The following DRICH1 variants were observed in gnomAD, a reference collection of about 807,000 sequenced individuals.
DRICH1 encodes the protein aspartate rich 1.
A neutral mutation model predicts 39.5 loss-of-function variants in DRICH1; 38 were observed. That is an observed-to-expected ratio of 0.96 (90% CI 0.74 to 1.26). The LOEUF (loss-of-function observed/expected upper bound fraction) is 1.26, where lower values mean the gene tolerates loss of function less well. Among genes scored for constraint, DRICH1 ranks in the 50% most tolerant of loss-of-function variants. The pLI, the probability that DRICH1 is intolerant of heterozygous loss-of-function variation, is 0.00. For missense variants in DRICH1, 279 were observed against 270.4 expected (o/e 1.03, Z -0.22); for synonymous variants, 84 against 99.5 (o/e 0.84, Z 0.93).
chr22:23,591,305 C>T, the DRICH1 span, among the ~76,000 whole-genome samples: 1 of 152,238 alleles, frequency 6.6e-6, no homozygotes, highest in Admixed American at 6.5e-5. Context: ...TGGTGGCCTC[C>T]CGCTGCAGGT....
At chr22:23,587,752 C>T in the DRICH1 span, among the ~76,000 whole-genome samples, 2 of 152,208 alleles carry the variant, frequency 1.3e-5, no homozygotes, top group Non-Finnish European at 2.9e-5. Flanking sequence ...GTCTCCCCAC[C>T]GTGCATGCAG....
chr22:23,631,359 T>C (rs1019011001), intron 1 of DRICH1, among the ~76,000 whole-genome samples: 12 of 151,746 alleles, frequency 7.9e-5, no homozygotes, highest in Non-Finnish European at 1.2e-4. Flanking sequence ...GAGGTTGCAG[T>C]GAGCTGAGAT....
chr22:23,609,983 C>T (rs896304967), intron 11 of DRICH1, among the ~76,000 whole-genome samples: 12 of 152,128 alleles, frequency 7.9e-5, no homozygotes, highest in East Asian at 7.7e-4. Flanking sequence ...GCCCCTCATG[C>T]CTTCACTGGA....
downstream of DRICH1, among the ~76,000 whole-genome samples, chr22:23,606,043 C>G (rs1454759522): frequency 1.3e-5 from 2 of 151,198 alleles, no homozygotes; most frequent in Non-Finnish European, 3.0e-5. Context: ...CACTGCACTC[C>G]CGCCTCAAAA....
downstream of DRICH1, among the ~76,000 whole-genome samples, chr22:23,604,059 C>G (rs1926606085): frequency 6.6e-6 from 1 of 152,180 alleles, no homozygotes; most frequent in South Asian, 2.1e-4. Flanking sequence ...ATCAGTCAAA[C>G]TGCCTGGGTC....
At chr22:23,587,754 T>C in the DRICH1 span, among the ~76,000 whole-genome samples, 1 of 152,184 alleles carries the variant, frequency 6.6e-6, no homozygotes, top group Admixed American at 6.5e-5. Flanking sequence ...CTCCCCACCG[T>C]GCATGCAGTG....
the DRICH1 span, among the ~76,000 whole-genome samples, chr22:23,597,465 T>C: frequency 8.1e-6 from 1 of 124,032 alleles, no homozygotes; most frequent in Admixed American, 8.6e-5. Flanking sequence ...ATCACACCAC[T>C]GCACTCCAGC....
downstream of DRICH1, among the ~76,000 whole-genome samples, chr22:23,603,916 A>C (rs1195166870): frequency 1.3e-5 from 2 of 151,902 alleles, no homozygotes; most frequent in Non-Finnish European, 2.9e-5. Context: ...GCAGACCACC[A>C]CTTCCCTTGG....
At chr22:23,584,292 T>C in the DRICH1 span, among the ~76,000 whole-genome samples, 2 of 152,194 alleles carry the variant, frequency 1.3e-5, no homozygotes, top group African/African-American at 2.4e-5. Flanking sequence ...CCTGCCTGGC[T>C]GTCCTCTCTC....
chr22:23,628,983 T>G (rs766745343), intron 1 of DRICH1, among the ~76,000 whole-genome samples: 7 of 152,292 alleles, frequency 4.6e-5, no homozygotes, highest in Non-Finnish European at 8.8e-5. Context: ...GGGTCTCAGA[T>G]ATATGAGTAC....
At chr22:23,603,152 G>C in the DRICH1 span, among the ~76,000 whole-genome samples, 1 of 151,708 alleles carries the variant, frequency 6.6e-6, no homozygotes, top group South Asian at 2.1e-4. Context: ...ATTTTTAGCT[G>C]AAGTTTTATC....
chr22:23,584,170 C>G, the DRICH1 span, among the ~76,000 whole-genome samples: 2 of 151,910 alleles, frequency 1.3e-5, no homozygotes, highest in African/African-American at 4.8e-5. Context: ...TCACCTCACC[C>G]CTTCCTGGAC....
intron 8 of DRICH1, 30 bp downstream of exon 8, chr22:23,616,823 T>G (rs1476108839): frequency 6.2e-7 from 1 of 1,613,578 alleles, no homozygotes; most frequent in Admixed American, 1.7e-5. Flanking sequence ...AGTTTGTTTC[T>G]CAGAAAGTGA....
intron 3 of DRICH1, among the ~76,000 whole-genome samples, chr22:23,623,371 C>A (rs1927882139): frequency 6.6e-6 from 1 of 151,824 alleles, no homozygotes; most frequent in Non-Finnish European, 1.5e-5. Flanking sequence ...CATCACTGCA[C>A]CCCAGTATGG....
downstream of DRICH1, among the ~76,000 whole-genome samples, chr22:23,605,866 A>C (rs2050155993): frequency 6.6e-6 from 1 of 152,068 alleles, no homozygotes; most frequent in Non-Finnish European, 1.5e-5. Flanking sequence ...GGATAACTTG[A>C]GGTCAGGAGT....
intron 1 of DRICH1, among the ~76,000 whole-genome samples, chr22:23,631,141 C>T (rs1382073600): frequency 2.6e-5 from 4 of 152,012 alleles, no homozygotes; most frequent in South Asian, 2.1e-4. Flanking sequence ...AATTAGGAGC[C>T]GGGCGCGATG....
chr22:23,591,306 C>T, the DRICH1 span, among the ~76,000 whole-genome samples: 20 of 152,176 alleles, frequency 1.3e-4, no homozygotes, highest in Middle Eastern at 3.4e-3. Flanking sequence ...GGTGGCCTCC[C>T]GCTGCAGGTC....
intron 11 of DRICH1, among the ~76,000 whole-genome samples, chr22:23,611,780 A>C (rs1429430391): frequency 6.6e-6 from 1 of 152,214 alleles, no homozygotes; most frequent in Non-Finnish European, 1.5e-5. Context: ...TACCTGTTAG[A>C]AGGTCGGCGC....
rs566974806 is a variant in DRICH1 at position 23,619,381 on chromosome 22, C to G, written c.419G>C (p.Arg140Pro). 4 of 780,506 alleles carry G rather than the reference C, an allele frequency of 5.1e-6. No homozygotes were observed. In the Admixed American group the frequency reaches 6.8e-5, roughly 13 times the overall value. 48.3% of individuals were successfully genotyped at this position (780,506 alleles called of 1,614,324 possible). A position where few individuals can be genotyped will look rare whatever the true frequency, so the allele number is the denominator to read the frequency against. The change falls in exon 6 of 12, where the codon CGG (arginine) becomes CCG (proline). Residue 140 changes from arginine (R) to proline (P), a missense_variant. Transcript: ENST00000317749. ...AGACTCACAAGAACTGCTATCAAAC[C>G]GGTAACAGCCACCTGCGGAGAAATG... ...LPSRVQGGCY[R>P]FDSSSCSSED... is the part of the protein sequence containing the mutation.
Sources: allele counts gnomAD v4.1 joint callset (sites outside exome capture counted in the v4.1 genomes callset), GRCh38; gene constraint gnomAD v4.1.1; transcripts MANE v1.5; gene names NCBI Gene and HGNC (gene_info 2026-07-23, HGNC 2026-07-21).